The following LRBA variants were observed in gnomAD, a reference collection of about 807,000 sequenced individuals.
The protein encoded by LRBA is LPS responsive beige-like anchor protein, also known as lipopolysaccharide-responsive and beige-like anchor protein.
LRBA carries 176 observed loss-of-function variants against 330.0 expected under a neutral mutation model. The observed-to-expected ratio is 0.53, with a 90% confidence interval of 0.47 to 0.60. LRBA has a LOEUF of 0.60. LRBA is among the 20% of genes least tolerant of loss of function. The probability of loss-of-function intolerance (pLI) is 0.00; values close to 1 mark genes in which losing one functional copy is unlikely to be tolerated. For missense variants in LRBA, 3,259 were observed against 3,444.8 expected (o/e 0.95, Z 1.35); for synonymous variants, 1,230 against 1,193.0 (o/e 1.03, Z -0.64).
At chr4:150,550,840 A>G (rs950760991) in intron 40 of LRBA, among the ~76,000 whole-genome samples, 1 of 152,246 alleles carries the variant, frequency 6.6e-6, no homozygotes, top group African/African-American at 2.4e-5. Context: ...CTAAAAGATT[A>G]TATCAGGGCT....
At chr4:150,300,002 T>C (rs1467844099) in intron 53 of LRBA, among the ~76,000 whole-genome samples, 1 of 151,916 alleles carries the variant, frequency 6.6e-6, no homozygotes, top group African/African-American at 2.4e-5. Context: ...TGTGGAACCA[T>C]CAATGAGCCA....
intron 44 of LRBA, among the ~76,000 whole-genome samples, chr4:150,459,616 C>G (rs1754515078): frequency 6.6e-6 from 1 of 151,906 alleles, no homozygotes; most frequent in Admixed American, 6.6e-5. Context: ...AAATGCCTGT[C>G]ATAGTGGAAA....
chr4:150,419,189 C>T (rs533546053), intron 46 of LRBA, among the ~76,000 whole-genome samples: 7 of 152,208 alleles, frequency 4.6e-5, no homozygotes, highest in African/African-American at 1.4e-4. Flanking sequence ...CAATCAAGTG[C>T]CCTTTCATGA....
chr4:150,615,642 A>G (rs1775700518), intron 37 of LRBA, among the ~76,000 whole-genome samples: 3 of 152,174 alleles, frequency 2.0e-5, no homozygotes, highest in Non-Finnish European at 4.4e-5. Context: ...GGTTTTAATA[A>G]AGAAAGTCTA....
intron 53 of LRBA, among the ~76,000 whole-genome samples, chr4:150,289,794 T>C (rs936316002): frequency 1.3e-5 from 2 of 152,226 alleles, no homozygotes; most frequent in Non-Finnish European, 2.9e-5. Context: ...ATAAGTTTTA[T>C]AATAAAGAGC....
At chr4:150,600,710 A>T (rs531079724) in intron 37 of LRBA, among the ~76,000 whole-genome samples, 1 of 152,302 alleles carries the variant, frequency 6.6e-6, no homozygotes, top group Admixed American at 6.5e-5. Context: ...AAATTTGAAT[A>T]AAAACATGAT....
chr4:150,419,426 A>G (rs929287923), intron 46 of LRBA, among the ~76,000 whole-genome samples: 1 of 152,146 alleles, frequency 6.6e-6, no homozygotes, highest in Non-Finnish European at 1.5e-5. Flanking sequence ...TCTAGGTATC[A>G]CACAAGCCTG....
chr4:150,873,988 A>C (rs1753729641), intron 17 of LRBA, among the ~76,000 whole-genome samples: 1 of 152,224 alleles, frequency 6.6e-6, no homozygotes, highest in South Asian at 2.1e-4. Context: ...AATCATTAGG[A>C]AAATACTAAT....
chr4:150,310,606 A>T (rs368243384), intron 51 of LRBA: 2 of 446,894 alleles, frequency 4.5e-6, no homozygotes, highest in Admixed American at 7.5e-5. Context: ...GAAAGAAAGA[A>T]TAACACACTA....
chr4:150,499,091 T>C (rs573762962), intron 40 of LRBA, among the ~76,000 whole-genome samples: 2 of 152,312 alleles, frequency 1.3e-5, no homozygotes, highest in Admixed American at 1.3e-4. Flanking sequence ...TTAGGTAGTT[T>C]CTCCCCAAAT....
chr4:150,710,302 T>C (rs1162724934), intron 36 of LRBA, among the ~76,000 whole-genome samples: 1 of 151,966 alleles, frequency 6.6e-6, no homozygotes, highest in African/African-American at 2.4e-5. Flanking sequence ...ATTTCTCAGA[T>C]GGGAAAAAAT....
At position 150,415,488 on chromosome 4, in the gene LRBA, G is replaced by A. The variant is rs1283848193; in HGVS notation, c.7144C>T (p.Leu2382Phe). ...DDGTVVSDVELPPWAKTSEEF... is the reference protein window; with the variant it reads ...DDGTVVSDVEFPPWAKTSEEF... ...TCTGAGGTTTTGGCCCAAGGAGGAA[G>A]TTCGACATCAGACACTACTGTCCCA... Residue 2382 changes from leucine (L) to phenylalanine (F), a missense_variant, in exon 47 of 57, where the codon CTT (leucine) becomes TTT (phenylalanine). Transcript: ENST00000651943. 6 of 1,613,164 alleles carry A rather than the reference G, an allele frequency of 3.7e-6. No homozygotes were observed. Among genetic ancestry groups the A allele is most frequent in the Non-Finnish European group, 3.4e-6 (4 of 1,179,366 alleles).
At chr4:150,279,169 G>T (rs1168158889) in intron 55 of LRBA, among the ~76,000 whole-genome samples, 1 of 152,154 alleles carries the variant, frequency 6.6e-6, no homozygotes, top group Non-Finnish European at 1.5e-5. Flanking sequence ...CCTATTATTT[G>T]TTTATGACTG....
At chr4:150,277,779 G>T in intron 56 of LRBA, 74 bp downstream of exon 56, 2 of 1,429,902 alleles carry the variant, frequency 1.4e-6, no homozygotes, top group Non-Finnish European at 9.7e-7. Flanking sequence ...TGGGATTACA[G>T]GTGTAAGCCA....
chr4:150,855,556 AT>A (rs200014343), intron 22 of LRBA, among the ~76,000 whole-genome samples: 3 of 151,934 alleles, frequency 2.0e-5, no homozygotes, highest in African/African-American at 7.2e-5. Context: ...TTAAGAAACA[AT>A]TTTTTTTAAT....
chr4:150,840,392 G>C lies in LRBA; in HGVS notation c.4569+3708C>G, dbSNP rs962091235. The C allele has an allele frequency of 2.6e-5, 4 of 152,300 alleles. No homozygotes were observed. In the East Asian group the frequency reaches 7.7e-4, roughly 29 times the overall value. The allele number at this position is 152,300 out of a possible 1,614,324, so 9.4% of individuals were successfully genotyped here. On this transcript the variant is annotated intron_variant, in intron 28 of 56. Transcript: ENST00000651943. Reference sequence around the variant, plus strand: ...ATTTCTAGCTTTTTATTTAAAGTGAGAGACATGCAACTTTTCCTTTCTCTT... The same window carrying C: ...ATTTCTAGCTTTTTATTTAAAGTGACAGACATGCAACTTTTCCTTTCTCTT...
intron 47 of LRBA, among the ~76,000 whole-genome samples, chr4:150,394,939 C>T (rs1294813470): frequency 6.6e-6 from 1 of 151,992 alleles, no homozygotes; most frequent in Non-Finnish European, 1.5e-5. Flanking sequence ...GAGCATAACA[C>T]AATTGTACTG....
chr4:150,834,861 A>G (rs1747779520), intron 28 of LRBA, among the ~76,000 whole-genome samples: 2 of 152,142 alleles, frequency 1.3e-5, no homozygotes, highest in East Asian at 3.8e-4. Context: ...TTGGTGTTTT[A>G]GACATGAAGT....
rs1452472307 is a variant in LRBA, at chr4:150,805,519, GA to G, written c.5518+751del. Among the ~76,000 whole-genome samples, 95 of 120,404 alleles carry G rather than the reference GA, an allele frequency of 7.9e-4. 5 individuals are homozygous for G. The highest frequency in any genetic ancestry group is 2.4e-3 in the African/African-American group (77 of 32,504). 79.0% of individuals were successfully genotyped at this position (120,404 alleles called of 152,430 possible). A position where few individuals can be genotyped will look rare whatever the true frequency, so the allele number is the denominator to read the frequency against. The stretch of plus-strand genomic sequence containing the variant: ...AGAAGGAGGAGAAAGAGAAGGAAAG[GA>G]AAAGGAAAGGAAAGGAAGGGAGAAG... On this transcript the variant is annotated intron_variant, in intron 33 of 56. Coordinates refer to ENST00000651943, the MANE Select transcript of LRBA (RefSeq NM_001364905.1).
Sources: gnomAD v4.1 joint callset for allele counts (sites outside exome capture counted in the v4.1 genomes callset) on GRCh38, gnomAD v4.1.1 for gene constraint, MANE v1.5 for transcripts, NCBI Gene and HGNC (gene_info 2026-07-23, HGNC 2026-07-21) for gene names.